SEMA3C: variants seen among roughly 807,000 people sequenced by gnomAD.
SEMA3C encodes semaphorin-3C.
SEMA3C carries 47 observed loss-of-function variants against 89.4 expected under a neutral mutation model. That is an observed-to-expected ratio of 0.53 (90% CI 0.42 to 0.67). The LOEUF (loss-of-function observed/expected upper bound fraction) is 0.67, where lower values mean the gene tolerates loss of function less well. Ranked by LOEUF, SEMA3C falls within the 30% of genes least tolerant of loss-of-function variation. The pLI, the probability that SEMA3C is intolerant of heterozygous loss-of-function variation, is 0.00. For synonymous variants in SEMA3C, 310 were observed against 320.2 expected (o/e 0.97, Z 0.34); for missense variants, 839 against 929.1 (o/e 0.90, Z 1.26).
Position 80,749,000 on chromosome 7 carries a change from C to T in SEMA3C, c.1740G>A (p.Gln580=), listed in dbSNP as rs750118779. 2.5e-6 allele frequency: 4 copies of T among 1,611,306 alleles called. No homozygotes were observed. Among genetic ancestry groups the T allele is most frequent in the Middle Eastern group, 1.7e-4 (1 of 6,040 alleles). Residue 580 remains glutamine (Q), a synonymous_variant, in exon 17 of 18, where the codon CAG becomes CAA. Transcript: ENST00000265361. The part of the protein sequence containing the change: ...KAYRNAAEIV[Q]YGVKNNTTFL... ...AAGTGGTGTTATTTTTTACTCCATA[C>T]TGGACAATTTCAGCTGCATTTCTGT... is the stretch of plus-strand genomic sequence containing the variant.
Position 80,745,203 on chromosome 7 carries a change from A to G in SEMA3C, c.1947T>C (p.Ser649=), listed in dbSNP as rs142276472. 21 of 1,613,852 alleles carry G rather than the reference A, an allele frequency of 1.3e-5. No homozygotes were observed. The highest frequency in any genetic ancestry group is 3.3e-4 in the Middle Eastern group (2 of 6,084). Residue 649 remains serine (S), a synonymous_variant, in exon 18 of 18, where the codon AGT becomes AGC. Transcript: ENST00000265361. The part of the protein sequence containing the change: ...GLYHCIATEN[S]FKQTIAKINF... ...TGATCTTGGCTATGGTCTGCTTGAAACTATTTTCTGTAGCAATGCAGTGAT... is the reference window on the plus strand; with the variant it reads ...TGATCTTGGCTATGGTCTGCTTGAAGCTATTTTCTGTAGCAATGCAGTGAT...
chr7:80,867,719 TACACAC>T (rs10641992), intron 2 of SEMA3C, among the ~76,000 whole-genome samples: 6 of 149,806 alleles, frequency 4.0e-5, no homozygotes, highest in African/African-American at 9.8e-5. Context: ...GTATAAATCA[TACACAC>T]ACACACACAC....
At chr7:80,776,222 C>G (rs1272082056) in intron 12 of SEMA3C, among the ~76,000 whole-genome samples, 1 of 151,098 alleles carries the variant, frequency 6.6e-6, no homozygotes, top group Non-Finnish European at 1.5e-5. Flanking sequence ...ATAACAATTG[C>G]TCATTAACAG....
chr7:80,921,220 T>C (rs1213463733), upstream of SEMA3C, among the ~76,000 whole-genome samples: 1 of 152,176 alleles, frequency 6.6e-6, no homozygotes, highest in East Asian at 1.9e-4. Flanking sequence ...TGTGCCGAAA[T>C]TCCCTCAATA....
intron 2 of SEMA3C, among the ~76,000 whole-genome samples, chr7:80,889,657 G>A (rs1471888990): frequency 3.3e-5 from 5 of 152,024 alleles, no homozygotes; most frequent in African/African-American, 1.2e-4. Flanking sequence ...TTTCTAAAGT[G>A]CCATGTTTTC....
chr7:80,896,526 A>G (rs949528013), intron 2 of SEMA3C, among the ~76,000 whole-genome samples: 2 of 152,228 alleles, frequency 1.3e-5, no homozygotes, highest in African/African-American at 2.4e-5. Context: ...ATTATTTGAG[A>G]TAATTAAATA....
At chr7:80,820,366 A>G (rs1473005593) in intron 4 of SEMA3C, among the ~76,000 whole-genome samples, 1 of 151,712 alleles carries the variant, frequency 6.6e-6, no homozygotes, top group Non-Finnish European at 1.5e-5. Context: ...GGCCTCTCCT[A>G]TTTTTTTATA....
intron 4 of SEMA3C, among the ~76,000 whole-genome samples, chr7:80,821,580 C>T (rs910383692): frequency 6.6e-5 from 10 of 152,094 alleles, no homozygotes; most frequent in Non-Finnish European, 2.9e-5. Flanking sequence ...CCACCACGCC[C>T]GGCTAATTTT....
chr7:80,864,451 A>G (rs904411006), intron 2 of SEMA3C, among the ~76,000 whole-genome samples: 2 of 152,300 alleles, frequency 1.3e-5, no homozygotes, highest in South Asian at 2.1e-4. Context: ...CTCTTTCCTT[A>G]GAGTTTTTAT....
intron 7 of SEMA3C, among the ~76,000 whole-genome samples, chr7:80,804,849 G>A (rs1483542605): frequency 6.6e-6 from 1 of 152,128 alleles, no homozygotes; most frequent in African/African-American, 2.4e-5. Flanking sequence ...GCCTATCAGC[G>A]AAATAGGATG....
At chr7:80,887,997 T>C (rs1791523089) in intron 2 of SEMA3C, among the ~76,000 whole-genome samples, 1 of 152,190 alleles carries the variant, frequency 6.6e-6, no homozygotes, top group African/African-American at 2.4e-5. Context: ...TTATTACATG[T>C]TTTAAAGATT....
At chr7:80,868,539 G>A (rs558106264) in intron 2 of SEMA3C, among the ~76,000 whole-genome samples, 1 of 152,122 alleles carries the variant, frequency 6.6e-6, no homozygotes, top group Admixed American at 6.6e-5. Flanking sequence ...AAAGCCTTGG[G>A]ATTACAGGTG....
At chr7:80,772,764 G>T (rs1355904614) in intron 12 of SEMA3C, among the ~76,000 whole-genome samples, 4 of 149,180 alleles carry the variant, frequency 2.7e-5, no homozygotes, top group African/African-American at 9.8e-5. Context: ...ATACTTTGTT[G>T]CATTATGAGG....
intron 2 of SEMA3C, among the ~76,000 whole-genome samples, chr7:80,881,743 T>C (rs1325613745): frequency 6.6e-6 from 1 of 152,188 alleles, no homozygotes; most frequent in East Asian, 1.9e-4. Context: ...TATTGTTCCT[T>C]ATGGAGATAA....
chr7:80,914,102 C>T (rs933375254), intron 2 of SEMA3C, among the ~76,000 whole-genome samples: 2 of 152,166 alleles, frequency 1.3e-5, no homozygotes, highest in Non-Finnish European at 2.9e-5. Flanking sequence ...ATGCAAATGA[C>T]CTCTGTCTAA....
At chr7:80,791,023 G>A (rs1252826012) in intron 11 of SEMA3C, among the ~76,000 whole-genome samples, 1 of 152,060 alleles carries the variant, frequency 6.6e-6, no homozygotes, top group African/African-American at 2.4e-5. Flanking sequence ...CTGCAATTTT[G>A]GTGCCGGGTC....
At chr7:80,911,975 A>T (rs763959974) in intron 2 of SEMA3C, among the ~76,000 whole-genome samples, 1 of 152,068 alleles carries the variant, frequency 6.6e-6, no homozygotes, top group Admixed American at 6.6e-5. Flanking sequence ...ATGACCGATT[A>T]ACAAAACACT....
chr7:80,900,612 C>T (rs1340165203), intron 2 of SEMA3C, among the ~76,000 whole-genome samples: 3 of 152,202 alleles, frequency 2.0e-5, no homozygotes, highest in Non-Finnish European at 4.4e-5. Context: ...CACACTCATG[C>T]AGTCAGCTCC....
chr7:80,898,683 T>G (rs570417985), intron 2 of SEMA3C, among the ~76,000 whole-genome samples: 3 of 152,252 alleles, frequency 2.0e-5, no homozygotes, highest in East Asian at 3.9e-4. Flanking sequence ...AGGGAATCTC[T>G]TTCCTTAAAC....
Sources: gnomAD v4.1 joint callset for allele counts (sites outside exome capture counted in the v4.1 genomes callset) on GRCh38, gnomAD v4.1.1 for gene constraint, MANE v1.5 for transcripts, NCBI Gene and HGNC (gene_info 2026-07-23, HGNC 2026-07-21) for gene names.